COL5A1: variants seen among roughly 807,000 people sequenced by gnomAD.
COL5A1 encodes the protein collagen alpha-1(V) chain.
A neutral mutation model predicts 263.7 loss-of-function variants in COL5A1; 16 were observed. The observed-to-expected ratio is 0.06, with a 90% CI of 0.04 to 0.09. The LOEUF (loss-of-function observed/expected upper bound fraction) is 0.09. COL5A1 is among the 10% of genes least tolerant of loss of function. COL5A1 has a pLI of 1.00. For synonymous variants in COL5A1, 1,012 were observed against 1,004.5 expected (o/e 1.01, Z -0.14); for missense variants, 2,036 against 2,540.5 (o/e 0.80, Z 4.27).
At chr9:134,694,638 C>G (rs1211740550) in intron 2 of COL5A1, among the ~76,000 whole-genome samples, 1 of 152,224 alleles carries the variant, frequency 6.6e-6, no homozygotes, top group African/African-American at 2.4e-5. Flanking sequence ...TGGGATCTGT[C>G]CGACCAGGGA....
Position 134,765,841 on chromosome 9 carries a change from C to T in COL5A1, c.2088+107C>T. Reference sequence around the variant, plus strand: ...CTGGGGCAGCAAGTCCGTGCTGGCCCCTCTGGCGCCTGCCTGCTGCCAGTG... The same window carrying T: ...CTGGGGCAGCAAGTCCGTGCTGGCCTCTCTGGCGCCTGCCTGCTGCCAGTG... On this transcript the variant is annotated intron_variant, in intron 21 of 65. Transcript: ENST00000371817. This position sits in a 1 kb window ranked among gnomAD's most constrained non-coding sequence, Gnocchi z 5.1. 1 of 871,990 alleles carries T rather than the reference C, an allele frequency of 1.1e-6. No homozygotes were observed. 54.0% of individuals were successfully genotyped at this position (871,990 alleles called of 1,614,324 possible). A position where few individuals can be genotyped will look rare whatever the true frequency, so the allele number is the denominator to read the frequency against.
chr9:134,746,132 T>C (rs1326302275), intron 11 of COL5A1, among the ~76,000 whole-genome samples: 1 of 152,094 alleles, frequency 6.6e-6, no homozygotes. Flanking sequence ...CCGCGCGTGG[T>C]CATGCACGTA....
In COL5A1 at chr9:134,765,768, C is replaced by G. The variant is rs377360106; in HGVS notation, c.2088+34C>G. On this transcript the variant is annotated intron_variant, in intron 21 of 65. Transcript: ENST00000371817. The surrounding 1 kb of genome is among the most constrained non-coding windows in gnomAD (Gnocchi z 5.1). ...CATTACCGCCCTGCTTGTCTGCCCC[C>G]ATCTCGGCCTTTGAGACCCCGCCTC... The G allele has an allele frequency of 6.3e-7, 1 of 1,593,206 alleles. No homozygotes were observed. Among genetic ancestry groups the G allele is most frequent in the Non-Finnish European group, 8.6e-7 (1 of 1,164,668 alleles).
rs537933779 is a variant in COL5A1 at position 134,761,092 on chromosome 9, C to A, written c.1936-833C>A. Among the ~76,000 whole-genome samples the A allele has an allele frequency of 4.0e-4, 58 of 143,236 alleles. No homozygotes were observed. In the South Asian group the frequency reaches 0.01, roughly 25 times the overall value. The allele number at this position is 143,236 out of a possible 152,430, so 94.0% of individuals were successfully genotyped here. A position where few individuals can be genotyped will look rare whatever the true frequency, so the allele number is the denominator to read the frequency against. On this transcript the variant is annotated intron_variant, in intron 18 of 65. Coordinates refer to ENST00000371817, the MANE Select transcript of COL5A1 (RefSeq NM_000093.5). ...GCACACACATGCACACGTGCACACA[C>A]CCCACACATGCACACAACCCACACA...
In COL5A1 at chr9:134,842,454, T is replaced by G. The variant is rs1830136502; in HGVS notation, c.*151T>G. The G allele has an allele frequency of 1.1e-6, 1 of 930,174 alleles. No homozygotes were observed. Among genetic ancestry groups the G allele is most frequent in the Non-Finnish European group, 1.6e-6 (1 of 606,752 alleles). The allele number at this position is 930,174 out of a possible 1,614,324, so 57.6% of individuals were successfully genotyped here. A position where few individuals can be genotyped will look rare whatever the true frequency, so the allele number is the denominator to read the frequency against. ...ATCTACGCCTCGGCACCACGGGGTGTGGGACCCCAGCCCGGAGAGAACAGA... is the reference window on the plus strand; with the variant it reads ...ATCTACGCCTCGGCACCACGGGGTGGGGGACCCCAGCCCGGAGAGAACAGA... On this transcript the variant is annotated 3_prime_UTR_variant, in exon 66 of 66. Transcript: ENST00000371817. This position sits in a 1 kb window ranked among gnomAD's most constrained non-coding sequence, Gnocchi z 5.8.
chr9:134,784,934 A>T (rs540484447), intron 29 of COL5A1, 55 bp from the exon 30 acceptor site: 27 of 1,278,488 alleles, frequency 2.1e-5, no homozygotes, highest in Middle Eastern at 1.9e-4. Flanking sequence ...ATGGTGGTGG[A>T]GAATAGTGTG....
At chr9:134,819,528 G>A (rs1251287382) in intron 57 of COL5A1, among the ~76,000 whole-genome samples, 1 of 152,222 alleles carries the variant, frequency 6.6e-6, no homozygotes, top group Non-Finnish European at 1.5e-5. Flanking sequence ...TGTATATGAA[G>A]CAGAAGGCAG....
At chr9:134,802,780 G>C (rs959143234) in intron 38 of COL5A1, 108 bp from the exon 39 acceptor site, 13 of 847,102 alleles carry the variant, frequency 1.5e-5, no homozygotes, top group Non-Finnish European at 2.4e-5. Context: ...TGTGCCCGCA[G>C]CAGACCTTTG....
At chr9:134,718,365 G>T (rs1564408837) in intron 4 of COL5A1, among the ~76,000 whole-genome samples, 1 of 152,236 alleles carries the variant, frequency 6.6e-6, no homozygotes, top group Non-Finnish European at 1.5e-5. Context: ...CTGGCAGGGG[G>T]CAGAATCCAG....
intron 9 of COL5A1, among the ~76,000 whole-genome samples, chr9:134,732,993 G>A (rs928246856): frequency 7.2e-5 from 11 of 152,214 alleles, no homozygotes; most frequent in African/African-American, 2.4e-4. Context: ...GGGCACGACC[G>A]GAGAGCAGGG....
chr9:134,731,414 A>T (rs1834874819), intron 7 of COL5A1, 82 bp from the exon 8 acceptor site: 3 of 1,438,866 alleles, frequency 2.1e-6, no homozygotes, highest in African/African-American at 2.8e-5. Flanking sequence ...CCGGATAGCC[A>T]CAGTGCCCGC....
intron 1 of COL5A1, among the ~76,000 whole-genome samples, chr9:134,672,220 A>G (rs1355750270): frequency 6.6e-6 from 1 of 152,206 alleles, no homozygotes; most frequent in Non-Finnish European, 1.5e-5. Flanking sequence ...TATTCCATTC[A>G]TTTGTTATAA....
intron 2 of COL5A1, among the ~76,000 whole-genome samples, chr9:134,699,398 T>C (rs1833591055): frequency 2.0e-5 from 3 of 152,304 alleles, no homozygotes; most frequent in South Asian, 4.1e-4. Context: ...AAAGTACAAT[T>C]CTAGTGGCGG....
chr9:134,652,173 A>G lies in COL5A1; in HGVS notation c.109+9877A>G, dbSNP rs1262229899. Among the ~76,000 whole-genome samples, 2 of 152,144 alleles carry G rather than the reference A, an allele frequency of 1.3e-5. No homozygotes were observed. Among genetic ancestry groups the G allele is most frequent in the African/African-American group, 2.4e-5 (1 of 41,424 alleles). ...GATTGTAAGAGCTTTCTAGGTAATT[A>G]TTATTCATGCTATTTAGGGTCATAG... On this transcript the variant is annotated intron_variant, in intron 1 of 65. Coordinates refer to ENST00000371817, the MANE Select transcript of COL5A1 (RefSeq NM_000093.5). This position sits in a 1 kb window ranked among gnomAD's most constrained non-coding sequence, Gnocchi z 4.4.
chr9:134,648,625 A>G (rs1018656560), intron 1 of COL5A1, among the ~76,000 whole-genome samples: 1 of 152,214 alleles, frequency 6.6e-6, no homozygotes, highest in Non-Finnish European at 1.5e-5. Context: ...AGCACAGAGT[A>G]AGACCCCATT....
chr9:134,679,235 T>C (rs1832762570), intron 1 of COL5A1, among the ~76,000 whole-genome samples: 1 of 151,432 alleles, frequency 6.6e-6, no homozygotes, highest in African/African-American at 2.4e-5. Flanking sequence ...ATCTGTCCCC[T>C]GCACTGTGGG....
chr9:134,656,861 G>A (rs963981395), intron 1 of COL5A1, among the ~76,000 whole-genome samples: 2 of 143,332 alleles, frequency 1.4e-5, no homozygotes, highest in Admixed American at 7.0e-5. Flanking sequence ...AGGGCCAGAG[G>A]TTCCAATTGG....
At chr9:134,797,821 C>T (rs1215160637) in intron 36 of COL5A1, among the ~76,000 whole-genome samples, 3 of 152,224 alleles carry the variant, frequency 2.0e-5, no homozygotes, top group Non-Finnish European at 2.9e-5. Context: ...ACACCAGTCA[C>T]TGGGCTGGGC....
chr9:134,766,596 G>A (rs1836676054), intron 22 of COL5A1, 98 bp downstream of exon 22: 2 of 1,246,914 alleles, frequency 1.6e-6, no homozygotes, highest in Admixed American at 3.9e-5. Flanking sequence ...ACATCAGCTG[G>A]GAACATGAAG....
Sources: allele counts gnomAD v4.1 joint callset (sites outside exome capture counted in the v4.1 genomes callset), GRCh38; gene constraint gnomAD v4.1.1; non-coding constraint Gnocchi (gnomAD v3.1); transcripts MANE v1.5; gene names NCBI Gene and HGNC (gene_info 2026-07-23, HGNC 2026-07-21).